ZFHX3: variants seen among roughly 807,000 people sequenced by gnomAD.
ZFHX3 encodes the protein zinc finger homeobox protein 3.
ZFHX3 carries 42 observed loss-of-function variants against 279.1 expected under a neutral mutation model. The observed-to-expected ratio is 0.15, with a 90% confidence interval of 0.12 to 0.19. ZFHX3 has a LOEUF of 0.19. ZFHX3 is among the 10% of genes least tolerant of loss of function. ZFHX3 has a pLI of 1.00. For missense variants in ZFHX3, 4,981 were observed against 4,754.0 expected, an observed-to-expected ratio of 1.05 and a Z score of -1.40; for synonymous variants, 2,293 against 1,957.8, an observed-to-expected ratio of 1.17 and a Z score of -4.52.
chr16:73,243,562 T>C, intron 5 of ZFHX3, among the ~76,000 whole-genome samples: 1 of 152,242 alleles, frequency 6.6e-6, no homozygotes, highest in East Asian at 1.9e-4. Context: ...TAAGCTATTA[T>C]ATTTGCATTT....
chr16:73,534,026 G>C (rs1489908813), intron 2 of ZFHX3, among the ~76,000 whole-genome samples: 1 of 152,138 alleles, frequency 6.6e-6, no homozygotes, highest in African/African-American at 2.4e-5. Flanking sequence ...ACCCAGGTGA[G>C]ATCATGTTAC....
At position 72,942,358 on chromosome 16, in the gene ZFHX3, C is replaced by T. The variant is rs1021974091; in HGVS notation, c.3216+8111G>A. ...ATTCTCCTAAGGGTTACAGACCACC[C>T]CTAAGACGGCAGATGTCATTTATGC... On this transcript the variant is annotated intron_variant, in intron 3 of 9. Transcript: ENST00000268489. Among the ~76,000 whole-genome samples, 7 of 152,316 alleles carry T rather than the reference C, an allele frequency of 4.6e-5. No individual in the cohort carries two copies. The East Asian group carries it at 1.4e-3, about 29-fold the overall frequency.
intron 1 of ZFHX3, chr16:73,808,642 G>A (rs947177341): frequency 2.0e-5 from 3 of 152,244 alleles, no homozygotes; most frequent in Non-Finnish European, 4.4e-5. Context: ...GGATGAGCCT[G>A]GGTAAGAGAT....
intron 2 of ZFHX3, among the ~76,000 whole-genome samples, chr16:73,506,764 T>C (rs1222383612): frequency 6.6e-6 from 1 of 152,120 alleles, no homozygotes; most frequent in African/African-American, 2.4e-5. Flanking sequence ...AACCACAGGG[T>C]CCCAGCAGAT....
rs79637432 is a variant in ZFHX3, at chr16:73,729,031, C to A, written c.-1607-48791G>T. ...CAGGGAAGAAGGTAGGTCTGAAGTTCTGGGAATGACTGTCAATTAATAAGG... is the reference window on the plus strand; with the variant it reads ...CAGGGAAGAAGGTAGGTCTGAAGTTATGGGAATGACTGTCAATTAATAAGG... On this transcript the variant is annotated intron_variant, in intron 1 of 17. Transcript: ENST00000641206. Among the ~76,000 whole-genome samples the A allele has an allele frequency of 3.3e-5, 5 of 152,240 alleles. No individual in the cohort carries two copies. In the East Asian group the frequency reaches 9.7e-4, roughly 29 times the overall value.
rs377414876 is a variant in ZFHX3, at chr16:73,253,455, CT to C, written c.-1104+3591del. 1.8e-4 allele frequency among the ~76,000 whole-genome samples: 24 copies of C among 129,812 alleles called. 1 individual carries two copies. Among genetic ancestry groups the C allele is most frequent in the Middle Eastern group, 3.6e-3 (1 of 274 alleles). The allele number at this position is 129,812 out of a possible 152,430, so 85.2% of individuals were successfully genotyped here. On this transcript the variant is annotated intron_variant, in intron 5 of 17. Coordinates refer to the ZFHX3 transcript ENST00000641206. Reference sequence around the variant, plus strand: ...TGGTTGTATGATTTTCTTTCTTTCTCTTTTTTTTTTTTTTGAGATGGAGTCT... The same window carrying C: ...TGGTTGTATGATTTTCTTTCTTTCTCTTTTTTTTTTTTTGAGATGGAGTCT...
intron 5 of ZFHX3, among the ~76,000 whole-genome samples, chr16:73,149,220 T>C (rs1301852786): frequency 6.8e-6 from 1 of 146,866 alleles, no homozygotes; most frequent in Admixed American, 7.0e-5. Flanking sequence ...CTATTAATTA[T>C]ATTCATATTG....
rs1435473704 is a variant in ZFHX3, at chr16:72,795,252, A to T, written c.7430T>A (p.Leu2477Gln). ...TGGAGGAGGCTGTGGCAACGAAGGC[A>T]GGGACACCAGCTGGGGGAGCTTCTG... ...PQQKLPQLVS[L>Q]PSLPQPPPQA... Residue 2477 changes from leucine (L) to glutamine (Q), a missense_variant, in exon 9 of 10, where the codon CTG (leucine) becomes CAG (glutamine). Coordinates refer to ENST00000268489, the MANE Select transcript of ZFHX3 (RefSeq NM_006885.4). 1 of 1,611,814 alleles carries T rather than the reference A, an allele frequency of 6.2e-7. No individual in the cohort carries two copies. Among genetic ancestry groups the T allele is most frequent in the African/African-American group, 1.3e-5 (1 of 74,708 alleles).
intron 4 of ZFHX3, among the ~76,000 whole-genome samples, chr16:73,280,201 A>T (rs1031987515): frequency 6.6e-6 from 1 of 152,184 alleles, no homozygotes; most frequent in African/African-American, 2.4e-5. Flanking sequence ...GATCCTTGAT[A>T]TTGGATGTAA....
chr16:73,539,433 CTTTTTTTTTTT>C (rs1162434013), intron 2 of ZFHX3, among the ~76,000 whole-genome samples: 17 of 65,074 alleles, frequency 2.6e-4, no homozygotes, highest in South Asian at 9.0e-4. Context: ...TCCTCTTCTT[CTTTTTTTTTTT>C]TTTTTTTTTT....
chr16:73,041,612 C>G (rs1231389911), intron 1 of ZFHX3, among the ~76,000 whole-genome samples: 2 of 152,170 alleles, frequency 1.3e-5, no homozygotes, highest in Non-Finnish European at 2.9e-5. Flanking sequence ...GGACACTATT[C>G]AAGATTCCAT....
intron 3 of ZFHX3, among the ~76,000 whole-genome samples, chr16:73,358,326 C>G (rs1206945955): frequency 6.6e-6 from 1 of 152,218 alleles, no homozygotes; most frequent in East Asian, 1.9e-4. Context: ...TCACAAAGGA[C>G]AGCGGCCTCC....
intron 1 of ZFHX3, among the ~76,000 whole-genome samples, chr16:73,758,927 C>A (rs7189763): frequency 0.052 from 7,946 of 152,250 alleles, 715 homozygotes; most frequent in African/African-American, 0.18. Flanking sequence ...CCCCATTTTA[C>A]AAAAGACAAA....
chr16:72,987,686 C>T (rs532908870), intron 1 of ZFHX3, among the ~76,000 whole-genome samples: 50 of 152,326 alleles, frequency 3.3e-4, no homozygotes, highest in African/African-American at 1.1e-3. Context: ...GAGTATCATT[C>T]GTTTGCCAAA....
intron 2 of ZFHX3, among the ~76,000 whole-genome samples, chr16:73,634,888 T>TTG (rs144605621): frequency 9.9e-5 from 15 of 151,378 alleles, no homozygotes; most frequent in East Asian, 3.9e-4. Flanking sequence ...GTGTTTGTGG[T>TTG]TGTGTGTGTG....
In ZFHX3 at chr16:73,274,203, G is replaced by C. The variant is rs2014232345; in HGVS notation, c.-1193-17067C>G. Among the ~76,000 whole-genome samples the C allele has an allele frequency of 5.3e-5, 8 of 152,210 alleles. No homozygotes were observed. The South Asian group carries it at 1.7e-3, about 32-fold the overall frequency. On this transcript the variant is annotated intron_variant, in intron 4 of 17. Transcript: ENST00000641206. ...GCCTTGCAAAAAGGTGCACAAATTT[G>C]TATTCCTGTGAAGAACGGTGGTGTA...
chr16:73,276,245 G>A (rs1469550131), intron 4 of ZFHX3, among the ~76,000 whole-genome samples: 1 of 149,152 alleles, frequency 6.7e-6, no homozygotes, highest in African/African-American at 2.5e-5. Flanking sequence ...GTGCAATGGT[G>A]CGATCTCAGC....
chr16:73,529,768 C>G (rs773169977), intron 2 of ZFHX3, among the ~76,000 whole-genome samples: 1 of 152,130 alleles, frequency 6.6e-6, no homozygotes, highest in Non-Finnish European at 1.5e-5. Flanking sequence ...TCAGAGTGCT[C>G]GAAATAATTG....
At position 72,793,055 on chromosome 16, in the gene ZFHX3, C is replaced by T. The variant is rs960315390; in HGVS notation, c.9427+200G>A. ...AGAGTGGTTTCAAAGGAGACTGTTC[C>T]GACCAGGAGGTCCCATCCCTGACAC... On this transcript the variant is annotated intron_variant, in intron 9 of 9. Coordinates refer to ENST00000268489, the MANE Select transcript of ZFHX3 (RefSeq NM_006885.4). This position sits in a 1 kb window ranked among gnomAD's most constrained non-coding sequence, Gnocchi z 4.3. Among the ~76,000 whole-genome samples the T allele has an allele frequency of 2.0e-5, 3 of 152,214 alleles. No homozygotes were observed. Among genetic ancestry groups the T allele is most frequent in the Non-Finnish European group, 4.4e-5 (3 of 68,040 alleles).
Sources: allele counts gnomAD v4.1 joint callset (sites outside exome capture counted in the v4.1 genomes callset), GRCh38; gene constraint gnomAD v4.1.1; non-coding constraint Gnocchi (gnomAD v3.1); transcripts MANE v1.5; gene names NCBI Gene and HGNC (gene_info 2026-07-23, HGNC 2026-07-21).